The following RIF1 variants were observed in gnomAD, a reference collection of about 807,000 sequenced individuals.
The protein encoded by RIF1 is telomere-associated protein RIF1.
RIF1 carries 45 observed loss-of-function variants against 247.1 expected under a neutral mutation model. The observed-to-expected ratio is 0.18, with a 90% CI of 0.14 to 0.23. The LOEUF is 0.23. Among genes scored for constraint, RIF1 ranks in the 10% least tolerant of loss-of-function variants. RIF1 has a pLI of 1.00. For missense variants in RIF1, 2,967 were observed against 2,862.5 expected (o/e 1.04, Z -0.83); for synonymous variants, 1,087 against 978.8 (o/e 1.11, Z -2.06).
At chr2:151,437,833 G>C (rs994976595) in intron 13 of RIF1, among the ~76,000 whole-genome samples, 7 of 152,132 alleles carry the variant, frequency 4.6e-5, no homozygotes, top group Non-Finnish European at 1.0e-4. Flanking sequence ...TGAGAAAATG[G>C]GTTATACAGG....
intron 8 of RIF1, among the ~76,000 whole-genome samples, chr2:151,425,067 CTT>C (rs977293096): frequency 1.3e-5 from 2 of 151,900 alleles, no homozygotes; most frequent in Non-Finnish European, 1.5e-5. Context: ...CTCACCAACA[CTT>C]TTTATTTTCC....
intron 8 of RIF1, among the ~76,000 whole-genome samples, chr2:151,428,039 G>C (rs191573885): frequency 2.0e-5 from 3 of 152,106 alleles, no homozygotes; most frequent in Admixed American, 2.0e-4. Flanking sequence ...CCGGGTGACA[G>C]AGCAAGACTC....
At chr2:151,462,799 T>C (rs554195074) in intron 29 of RIF1, 85 bp from the exon 30 acceptor site, 64 of 1,052,326 alleles carry the variant, frequency 6.1e-5, no homozygotes, top group Non-Finnish European at 7.8e-5. Context: ...TACCGAAGTT[T>C]TACACTAAAG....
rs374037751 is a variant in RIF1 at position 151,463,887 on chromosome 2, T to C, written c.4367T>C (p.Leu1456Ser). Reference sequence around the variant, plus strand: ...GAAAAACCTCTTCAGAAGAGTCCATTGCATATAAAAGATGATGTGTTACCT... The same window carrying C: ...GAAAAACCTCTTCAGAAGAGTCCATCGCATATAAAAGATGATGTGTTACCT... ...EEEKPLQKSP[L>S]HIKDDVLPKQ... The change falls in exon 30 of 36, where the codon TTG (leucine) becomes TCG (serine). Residue 1456 changes from leucine (L) to serine (S), a missense_variant. This residue lies in a region of RIF1 where 2,028 missense variants were observed against 1,825.6 expected (regional missense o/e 1.11). Transcript: ENST00000444746. The C allele has an allele frequency of 9.9e-6, 16 of 1,613,388 alleles. No homozygotes were observed. The African/African-American group carries it at 2.0e-4, about 20-fold the overall frequency.
At chr2:151,431,343 G>A (rs1690089700) in intron 9 of RIF1, among the ~76,000 whole-genome samples, 3 of 152,158 alleles carry the variant, frequency 2.0e-5, no homozygotes, top group Admixed American at 2.0e-4. Context: ...ATTTTACTGG[G>A]TAGAATGGCT....
chr2:151,495,925 G>T (rs1178788076), intron 10 of RIF1, among the ~76,000 whole-genome samples: 1 of 152,076 alleles, frequency 6.6e-6, no homozygotes, highest in Non-Finnish European at 1.5e-5. Flanking sequence ...AGAAAGAGCC[G>T]CATTGGACCT....
rs71403171 is a variant in RIF1 at position 151,458,226 on chromosome 2, A to ATTTTT, written c.2855+283_2855+287dup. On this transcript the variant is annotated intron_variant, in intron 24 of 35. Transcript: ENST00000444746. ...AGACAAGGAGGACAGGAAATAGATG[A>ATTTTT]TTTTTTTTTTTTTTTTTTTTTTTTG... Among the ~76,000 whole-genome samples, 14 of 99,160 alleles carry ATTTTT rather than the reference A, an allele frequency of 1.4e-4. 1 individual carries two copies. The highest frequency in any genetic ancestry group is 3.3e-4 in the East Asian group (1 of 3,048). 65.1% of individuals were successfully genotyped at this position (99,160 alleles called of 152,430 possible).
At position 151,491,815 on chromosome 2, in the gene RIF1, G is replaced by A. The variant is rs2056829699; in HGVS notation, c.*416-3414G>A. 3 of 1,469,120 alleles carry A rather than the reference G, an allele frequency of 2.0e-6. No individual in the cohort carries two copies. In the South Asian group the frequency reaches 3.7e-5, roughly 18 times the overall value. 91.0% of individuals were successfully genotyped at this position (1,469,120 alleles called of 1,614,324 possible). On this transcript the variant is annotated intron_variant and NMD_transcript_variant, in intron 9 of 13. Coordinates refer to the RIF1 transcript ENST00000454583. ...AGTGATCAGAACAAGTGTTCTTGGAGTTTTCCAATAACTTGAAAACCAAGG... is the reference window on the plus strand; with the variant it reads ...AGTGATCAGAACAAGTGTTCTTGGAATTTTCCAATAACTTGAAAACCAAGG...
chr2:151,525,939 C>T, the RIF1 span: 8 of 1,588,812 alleles, frequency 5.0e-6, no homozygotes, highest in Non-Finnish European at 6.9e-6. Flanking sequence ...TGCCAAGAGA[C>T]CGGTGGTTGA....
In RIF1 at chr2:151,422,960, C is replaced by G; in HGVS notation, c.704C>G (p.Ser235Ter). 6.4e-7 allele frequency: 1 copy of G among 1,555,846 alleles called. No individual in the cohort carries two copies. The highest frequency in any genetic ancestry group is 8.8e-7 in the Non-Finnish European group (1 of 1,134,684). Residue 235 changes from serine (S) to a stop codon, truncating the protein, a stop_gained, in exon 8 of 36, where the codon TCA becomes TGA. Transcript: ENST00000444746. LOFTEE classifies it high-confidence loss of function. Reference sequence around the variant, plus strand: ...TGCTTTTGTTTGCAGAAATTAATCTCAGAACTTCAGAAGCTATTTATGAGT... The same window carrying G: ...TGCTTTTGTTTGCAGAAATTAATCTGAGAACTTCAGAAGCTATTTATGAGT... The part of the protein sequence containing the change: ...TEQLMTTKLI[S>*]ELQKLFMSKN...
the RIF1 span, chr2:151,519,069 C>A: frequency 2.5e-6 from 4 of 1,595,354 alleles, no homozygotes; most frequent in African/African-American, 5.4e-5. Flanking sequence ...TTGTATTTAA[C>A]CTGTGTGTTA....
At chr2:151,514,354 C>T in the RIF1 span, 2 of 1,613,792 alleles carry the variant, frequency 1.2e-6, no homozygotes, top group Admixed American at 1.7e-5. Flanking sequence ...TTGCTCTTAG[C>T]ATGTCAGGTG....
chr2:151,441,929 G>A lies in RIF1; in HGVS notation c.1672G>A (p.Gly558Arg). 1 of 1,558,682 alleles carries A rather than the reference G, an allele frequency of 6.4e-7. No homozygotes were observed. The highest frequency in any genetic ancestry group is 1.4e-5 in the African/African-American group (1 of 73,038). ...GGTCCTCATGGAAATTACAATTAAAGGACTTCCTCAGAAAGTATTAGGTTC... is the reference window on the plus strand; with the variant it reads ...GGTCCTCATGGAAATTACAATTAAAAGACTTCCTCAGAAAGTATTAGGTTC... ...TLVLMEITIK[G>R]LPQKVLGSPA... The change falls in exon 16 of 36, where the codon GGA becomes AGA. Residue 558 changes from glycine to arginine, a missense_variant. Physicochemically the swap from Gly to Arg is moderately radical, Grantham distance 125. Transcript: ENST00000444746.
At chr2:151,430,449 G>A (rs1689888092) in intron 9 of RIF1, among the ~76,000 whole-genome samples, 1 of 151,930 alleles carries the variant, frequency 6.6e-6, no homozygotes, top group South Asian at 2.1e-4. Context: ...AGCCTCCCAA[G>A]TAGCTGGGAT....
chr2:151,487,943 A>G (rs913032900), intron 9 of RIF1, among the ~76,000 whole-genome samples: 24 of 152,134 alleles, frequency 1.6e-4, no homozygotes, highest in African/African-American at 5.6e-4. Context: ...AAATGTTCGA[A>G]TATGATACAA....
chr2:151,417,418 CTGAT>C (rs1687394009), intron 6 of RIF1, among the ~76,000 whole-genome samples: 2 of 152,122 alleles, frequency 1.3e-5, no homozygotes, highest in Non-Finnish European at 2.9e-5. Context: ...GTTGAATGCT[CTGAT>C]TGATGCTAAG....
At chr2:151,502,755 T>A (rs749447128) in intron 11 of RIF1, 1 of 1,136,706 alleles carries the variant, frequency 8.8e-7, no homozygotes. Context: ...TTAAATAAAA[T>A]TAAGGGATTT....
chr2:151,456,982 C>T (rs1574092234), intron 23 of RIF1, among the ~76,000 whole-genome samples: 1 of 152,188 alleles, frequency 6.6e-6, no homozygotes, highest in East Asian at 1.9e-4. Context: ...GATTCGCCTG[C>T]CTCGGCTTCC....
At chr2:151,526,361 C>CT in the RIF1 span, 19 of 831,358 alleles carry the variant, frequency 2.3e-5, no homozygotes, top group African/African-American at 2.7e-4. Context: ...GTTGACAATA[C>CT]TAAACTCAAT....
Sources: allele counts gnomAD v4.1 joint callset (sites outside exome capture counted in the v4.1 genomes callset), GRCh38; gene constraint gnomAD v4.1.1; regional missense constraint gnomAD v4.1.1; transcripts MANE v1.5; gene names NCBI Gene and HGNC (gene_info 2026-07-23, HGNC 2026-07-21).